PCDHA2: variants seen among roughly 807,000 people sequenced by gnomAD.
PCDHA2 encodes protocadherin alpha 2, also known as protocadherin alpha-2.
Under a neutral mutation model 66.0 loss-of-function variants are expected in PCDHA2, and 58 were observed. The ratio of observed to expected loss-of-function variants is 0.88; its 90% CI spans 0.71 to 1.09. The LOEUF is 1.09. Among genes scored for constraint, PCDHA2 ranks in the 50% least tolerant of loss-of-function variants. The probability of loss-of-function intolerance (pLI) is 0.00; values close to 1 mark genes in which losing one functional copy is unlikely to be tolerated. For synonymous variants in PCDHA2, 634 were observed against 554.0 expected (o/e 1.14, Z -2.03); for missense variants, 1,267 against 1,242.3 (o/e 1.02, Z -0.30).
intron 1 of PCDHA2, chr5:140,803,477 T>C (rs782416127): frequency 2.5e-6 from 4 of 1,614,096 alleles, no homozygotes; most frequent in Non-Finnish European, 3.4e-6. Context: ...GGGTGTGCTC[T>C]GGAGAGGGGT....
chr5:140,989,004 CTTA>C (rs1445940440), intron 3 of PCDHA2: 15 of 152,184 alleles, frequency 9.9e-5, no homozygotes, highest in African/African-American at 3.4e-4. Context: ...GAAATAGAGA[CTTA>C]TTATAGTTTC....
intron 1 of PCDHA2, among the ~76,000 whole-genome samples, chr5:140,936,344 T>C (rs1403940424): frequency 6.6e-6 from 1 of 152,224 alleles, no homozygotes; most frequent in Non-Finnish European, 1.5e-5. Context: ...TATCTGCATA[T>C]ATGGAATGTG....
chr5:140,954,046 G>T (rs1554221229), intron 1 of PCDHA2, among the ~76,000 whole-genome samples: 1 of 152,124 alleles, frequency 6.6e-6, no homozygotes, highest in East Asian at 1.9e-4. Context: ...TTGGTTTTCT[G>T]TTCCTGCATT....
At chr5:140,994,759 G>C (rs1193190612) in intron 3 of PCDHA2, among the ~76,000 whole-genome samples, 3 of 152,130 alleles carry the variant, frequency 2.0e-5, no homozygotes, top group African/African-American at 7.2e-5. Flanking sequence ...ATGTGGAGAG[G>C]AAGAGAATTC....
In PCDHA2 at chr5:140,795,760, GC is replaced by G; in HGVS notation, c.797del (p.Ala266ValfsTer30). The G allele has an allele frequency of 6.2e-7, 1 of 1,613,936 alleles. No individual in the cohort carries two copies. The highest frequency in any genetic ancestry group is 8.5e-7 in the Non-Finnish European group (1 of 1,179,978). ...ANGTLVVKLN[A>X]SDADEGPNSE... Reference sequence around the variant, plus strand: ...TGGGACCTTAGTGGTTAAGTTAAACGCTTCTGATGCAGATGAAGGACCGAAC... The same window carrying G: ...TGGGACCTTAGTGGTTAAGTTAAACGTTCTGATGCAGATGAAGGACCGAAC... On this transcript the variant is annotated frameshift_variant, in exon 1 of 4. Transcript: ENST00000526136. LOFTEE classifies it high-confidence loss of function.
intron 1 of PCDHA2, chr5:140,849,617 G>C (rs2150442549): frequency 6.3e-7 from 1 of 1,598,746 alleles, no homozygotes; most frequent in Non-Finnish European, 8.6e-7. Context: ...TGATTAGTGT[G>C]ATCGACCTAG....
intron 1 of PCDHA2, among the ~76,000 whole-genome samples, chr5:140,890,243 A>G (rs782339518): frequency 6.6e-6 from 1 of 152,130 alleles, no homozygotes; most frequent in Non-Finnish European, 1.5e-5. Context: ...ATTTACCAGT[A>G]CACTACTGCA....
intron 1 of PCDHA2, chr5:140,876,434 A>G (rs2056340599): frequency 1.2e-6 from 2 of 1,613,976 alleles, no homozygotes; most frequent in Non-Finnish European, 1.7e-6. Flanking sequence ...ATTCAGGTTA[A>G]CGCCATTGAT....
At chr5:140,851,542 C>T in intron 1 of PCDHA2, 1 of 907,540 alleles carries the variant, frequency 1.1e-6, no homozygotes, top group Non-Finnish European at 1.3e-6. Context: ...GTAGATAATT[C>T]AAGAAATGTT....
At chr5:140,891,174 T>C (rs147745090) in intron 1 of PCDHA2, among the ~76,000 whole-genome samples, 2,208 of 152,320 alleles carry the variant, frequency 0.014, 24 homozygotes, top group Non-Finnish European at 0.022. Flanking sequence ...TTTTCAGATT[T>C]TCTGTGTGTC....
intron 1 of PCDHA2, among the ~76,000 whole-genome samples, chr5:140,817,989 A>G (rs1766253634): frequency 1.3e-5 from 2 of 152,092 alleles, no homozygotes; most frequent in African/African-American, 4.8e-5. Context: ...TACTTTGTAT[A>G]CTTACTCTGT....
At chr5:140,841,346 C>G (rs1777168943) in intron 1 of PCDHA2, 1 of 1,612,554 alleles carries the variant, frequency 6.2e-7, no homozygotes, top group Non-Finnish European at 8.5e-7. Context: ...GCGAGGAGAG[C>G]TGGGATCCTG....
intron 1 of PCDHA2, chr5:140,803,368 C>G: frequency 6.2e-7 from 1 of 1,614,196 alleles, no homozygotes; most frequent in Non-Finnish European, 8.5e-7. Flanking sequence ...CTGCGGTGCT[C>G]CGCGCCGCCA....
rs899059019 is a variant in PCDHA2, at chr5:140,805,432, G to T, written c.2388+8080G>T. On this transcript the variant is annotated intron_variant, in intron 1 of 3. Transcript: ENST00000526136. ...TTGGTGGGTTTTTTGTTGTTGTTTT[G>T]GTTTTTGTGTGTGTGTGTTTGTGTG... The T allele has an allele frequency of 3.2e-5, 34 of 1,051,910 alleles. No homozygotes were observed. In the African/African-American group the frequency reaches 5.1e-4, roughly 16 times the overall value. The allele number at this position is 1,051,910 out of a possible 1,614,324, so 65.2% of individuals were successfully genotyped here.
At chr5:140,823,217 C>T (rs1554129201) in intron 1 of PCDHA2, 1 of 1,613,776 alleles carries the variant, frequency 6.2e-7, no homozygotes, top group Non-Finnish European at 8.5e-7. Flanking sequence ...GCACGGGACG[C>T]GGACGCGCAG....
intron 1 of PCDHA2, chr5:140,875,549 T>G: frequency 1.2e-6 from 2 of 1,613,916 alleles, no homozygotes; most frequent in Non-Finnish European, 1.7e-6. Flanking sequence ...GCCTGGGAGG[T>G]GGGGAGCGGC....
At chr5:140,944,846 G>A (rs269554) in intron 1 of PCDHA2, among the ~76,000 whole-genome samples, 33,882 of 151,952 alleles carry the variant, frequency 0.22, 4,860 homozygotes, top group African/African-American at 0.41. Context: ...TGAGATATTA[G>A]AATCATCCTT....
intron 1 of PCDHA2, among the ~76,000 whole-genome samples, chr5:140,820,699 T>A (rs992254972): frequency 6.6e-6 from 1 of 152,096 alleles, no homozygotes; most frequent in African/African-American, 2.4e-5. Flanking sequence ...GATATTCTTT[T>A]CAACATGATT....
chr5:140,856,704 C>T, intron 1 of PCDHA2: 1 of 1,596,654 alleles, frequency 6.3e-7, no homozygotes, highest in Non-Finnish European at 8.6e-7. Context: ...GGAGGCAAAC[C>T]TGAATTTACC....
Sources: gnomAD v4.1 joint callset for allele counts (sites outside exome capture counted in the v4.1 genomes callset) on GRCh38, gnomAD v4.1.1 for gene constraint, MANE v1.5 for transcripts, NCBI Gene and HGNC (gene_info 2026-07-23, HGNC 2026-07-21) for gene names.